Variants in ADAMTSL1 observed in about 807,000 individuals in gnomAD.
ADAMTSL1 encodes the protein ADAMTS-like protein 1.
A neutral mutation model predicts 201.8 loss-of-function variants in ADAMTSL1; 126 were observed. The observed-to-expected ratio is 0.62, with a 90% confidence interval of 0.54 to 0.72. ADAMTSL1 has a LOEUF of 0.72. Ranked by LOEUF, ADAMTSL1 falls within the 30% of genes least tolerant of loss-of-function variation. The pLI is 0.00. For missense variants in ADAMTSL1, 2,679 were observed against 2,277.8 expected, an observed-to-expected ratio of 1.18 and a Z score of -3.59; for synonymous variants, 1,121 against 903.4, an observed-to-expected ratio of 1.24 and a Z score of -4.32.
chr9:18,341,509 A>G (rs1835462696), intron 2 of ADAMTSL1, among the ~76,000 whole-genome samples: 1 of 152,138 alleles, frequency 6.6e-6, no homozygotes, highest in South Asian at 2.1e-4. Flanking sequence ...CCATAAATAA[A>G]TGTCCTCCAG....
chr9:18,769,086 G>A (rs72690535), intron 16 of ADAMTSL1, among the ~76,000 whole-genome samples: 2,262 of 152,264 alleles, frequency 0.015, 27 homozygotes, highest in Non-Finnish European at 0.022. Flanking sequence ...AGACCTTGAG[G>A]TGCATGCAAG....
chr9:18,042,930 G>A (rs1028330910), intron 1 of ADAMTSL1, among the ~76,000 whole-genome samples: 7 of 152,196 alleles, frequency 4.6e-5, no homozygotes, highest in Admixed American at 2.6e-4. Flanking sequence ...AAAAATTCAC[G>A]GGGGAACCTA....
rs143136084 is a variant in ADAMTSL1, at chr9:18,639,277, G to C, written c.700G>C (p.Gly234Arg). The C allele has an allele frequency of 2.4e-5, 39 of 1,612,766 alleles. No individual in the cohort carries two copies. In the African/African-American group the frequency reaches 3.9e-4, roughly 16 times the overall value. ...HLYLETKTLQ[G>R]TKGENSLSST... ...AGATCTGGAAACCAAAACCCTCCAGGGGACTAAAGGTGAAAACAGTCTCAG... is the reference window on the plus strand; with the variant it reads ...AGATCTGGAAACCAAAACCCTCCAGCGGACTAAAGGTGAAAACAGTCTCAG... The change falls in exon 7 of 29, where the codon GGG becomes CGG. Residue 234 changes from glycine to arginine, a missense_variant. Physicochemically the swap from Gly to Arg is moderately radical, Grantham distance 125. Coordinates refer to ENST00000380548, the MANE Select transcript of ADAMTSL1 (RefSeq NM_001040272.6).
intron 15 of ADAMTSL1, among the ~76,000 whole-genome samples, chr9:18,736,241 CG>C (rs1245296477): frequency 1.3e-5 from 2 of 152,100 alleles, no homozygotes; most frequent in Non-Finnish European, 2.9e-5. Flanking sequence ...CTGTGGCTTT[CG>C]GGGGTTAGGG....
intron 2 of ADAMTSL1, among the ~76,000 whole-genome samples, chr9:18,301,169 A>G (rs967089641): frequency 3.9e-5 from 6 of 152,216 alleles, no homozygotes; most frequent in Admixed American, 1.3e-4. Context: ...AGTGCCAGGA[A>G]GAAAGAAAAA....
At position 18,847,942 on chromosome 9, in the gene ADAMTSL1, C is replaced by G. The variant is rs534965192; in HGVS notation, c.4249+17965C>G. 3.9e-5 allele frequency among the ~76,000 whole-genome samples: 6 copies of G among 152,328 alleles called. No homozygotes were observed. In the East Asian group the frequency reaches 9.6e-4, roughly 24 times the overall value. On this transcript the variant is annotated intron_variant, in intron 23 of 28. Coordinates refer to ENST00000380548, the MANE Select transcript of ADAMTSL1 (RefSeq NM_001040272.6). The stretch of plus-strand genomic sequence containing the variant: ...GCAATATTGCATTGAGCATCATGGG[C>G]TTTTCCAGCATTAGACAGGGGCAGG...
intron 1 of ADAMTSL1, among the ~76,000 whole-genome samples, chr9:17,946,198 T>C (rs1226637803): frequency 6.6e-6 from 1 of 151,610 alleles, no homozygotes; most frequent in Non-Finnish European, 1.5e-5. Flanking sequence ...TGAGGTCTTC[T>C]GTATTGCCCA....
At chr9:18,801,246 C>T (rs551270888) in intron 20 of ADAMTSL1, among the ~76,000 whole-genome samples, 2 of 152,266 alleles carry the variant, frequency 1.3e-5, no homozygotes, top group South Asian at 2.1e-4. Context: ...CAGGCAAAAT[C>T]AGGTTAAAAC....
At chr9:17,983,413 C>G (rs1239603922) in intron 1 of ADAMTSL1, among the ~76,000 whole-genome samples, 2 of 152,012 alleles carry the variant, frequency 1.3e-5, no homozygotes, top group African/African-American at 4.8e-5. Context: ...AATGTGTGGC[C>G]AAGATTGAGA....
chr9:18,295,790 T>A (rs1833456075), intron 2 of ADAMTSL1, among the ~76,000 whole-genome samples: 1 of 152,214 alleles, frequency 6.6e-6, no homozygotes, highest in Non-Finnish European at 1.5e-5. Flanking sequence ...AATTCTTGCA[T>A]TAGATAAAAT....
intron 1 of ADAMTSL1, among the ~76,000 whole-genome samples, chr9:17,908,007 T>C (rs1419561843): frequency 1.3e-5 from 2 of 152,192 alleles, no homozygotes; most frequent in African/African-American, 4.8e-5. Context: ...CCTCGCTTTT[T>C]CTTAACGTTT....
intron 3 of ADAMTSL1, among the ~76,000 whole-genome samples, chr9:18,570,189 G>A (rs972171044): frequency 1.3e-5 from 2 of 151,078 alleles, no homozygotes; most frequent in Non-Finnish European, 2.9e-5. Flanking sequence ...AGACTTGCCT[G>A]GAGAATGAAG....
In ADAMTSL1 at chr9:18,622,213, G is replaced by A. The variant is rs371067324; in HGVS notation, c.475-30G>A. The A allele has an allele frequency of 5.5e-5, 88 of 1,610,346 alleles. No homozygotes were observed. The South Asian group carries it at 5.7e-4, about 11-fold the overall frequency. On this transcript the variant is annotated intron_variant, in intron 4 of 28. Coordinates refer to ENST00000380548, the MANE Select transcript of ADAMTSL1 (RefSeq NM_001040272.6). ...GGATTTTGCCATCGGTAGGTGCTTG[G>A]TTGAATTACACATCTCTCTTTCTTG...
At chr9:18,374,961 A>G (rs1422264084) in intron 2 of ADAMTSL1, among the ~76,000 whole-genome samples, 1 of 152,142 alleles carries the variant, frequency 6.6e-6, no homozygotes, top group Admixed American at 6.5e-5. Context: ...TGATTTGAAT[A>G]CTCTAGATAC....
At chr9:18,139,560 C>A (rs753302580) in intron 1 of ADAMTSL1, among the ~76,000 whole-genome samples, 1 of 152,110 alleles carries the variant, frequency 6.6e-6, no homozygotes, top group Non-Finnish European at 1.5e-5. Flanking sequence ...AGATGGGAAT[C>A]CTTCCAAGGA....
At chr9:18,805,416 G>A (rs62549123) in intron 20 of ADAMTSL1, among the ~76,000 whole-genome samples, 1,975 of 152,204 alleles carry the variant, frequency 0.013, 14 homozygotes, top group Middle Eastern at 0.065. Flanking sequence ...TCATCAGAAG[G>A]TCCCAGCACT....
At chr9:18,258,845 T>G (rs1248634478) in intron 2 of ADAMTSL1, among the ~76,000 whole-genome samples, 2 of 152,230 alleles carry the variant, frequency 1.3e-5, no homozygotes, top group African/African-American at 4.8e-5. Flanking sequence ...TTAATTTTAT[T>G]CAGTCTTTAT....
intron 2 of ADAMTSL1, among the ~76,000 whole-genome samples, chr9:18,437,357 T>G (rs1293752223): frequency 1.3e-5 from 2 of 152,188 alleles, no homozygotes; most frequent in Non-Finnish European, 2.9e-5. Context: ...TCCCCAGTGC[T>G]GCTAGTTTTG....
At chr9:18,303,105 T>C (rs1443239792) in intron 2 of ADAMTSL1, among the ~76,000 whole-genome samples, 1 of 152,202 alleles carries the variant, frequency 6.6e-6, no homozygotes, top group Non-Finnish European at 1.5e-5. Context: ...TCTAGCATTG[T>C]CTGGTTAGTT....
Sources: gnomAD v4.1 joint callset for allele counts (sites outside exome capture counted in the v4.1 genomes callset) on GRCh38, gnomAD v4.1.1 for gene constraint, MANE v1.5 for transcripts, NCBI Gene and HGNC (gene_info 2026-07-23, HGNC 2026-07-21) for gene names.